ATP6V0A1: variants seen among roughly 807,000 people sequenced by gnomAD.
ATP6V0A1 encodes ATPase H+ transporting V0 subunit a1.
In ATP6V0A1, 43 loss-of-function variants were observed where a neutral mutation model predicts 105.4. The observed-to-expected ratio is 0.41, with a 90% CI of 0.32 to 0.53. The LOEUF (loss-of-function observed/expected upper bound fraction) is 0.53, where lower values mean the gene tolerates loss of function less well. ATP6V0A1 is among the 20% of genes least tolerant of loss of function. The probability of loss-of-function intolerance (pLI) is 0.30; values close to 1 mark genes in which losing one functional copy is unlikely to be tolerated. For missense variants in ATP6V0A1, 676 were observed against 1,051.1 expected (o/e 0.64, Z 4.93); for synonymous variants, 362 against 372.8 (o/e 0.97, Z 0.33).
intron 14 of ATP6V0A1, 52 bp downstream of exon 14, chr17:42,495,768 C>A: frequency 7.1e-7 from 1 of 1,412,994 alleles, no homozygotes; most frequent in East Asian, 2.3e-5. Context: ...AACACTAACC[C>A]TGAAGCAAGA....
In ATP6V0A1 at chr17:42,495,627, G is replaced by A. The variant is rs774015063; in HGVS notation, c.1471G>A (p.Glu491Lys). The change falls in exon 14 of 22, where the codon GAA becomes AAA. Residue 491 changes from glutamate to lysine, a missense_variant and splice_region_variant. Around this residue, in one of 3 missense-constraint regions of ATP6V0A1, gnomAD observed 435 missense variants for 642.2 expected, o/e 0.68. Transcript: ENST00000343619. ...VRPMFTYNWT[E>K]ETLRGNPVLQ... Reference sequence around the variant, plus strand: ...GTGACTTTTTCCCTGTCATGGTAGTGAAGAGACGCTTCGGGGGAACCCTGT... The same window carrying A: ...GTGACTTTTTCCCTGTCATGGTAGTAAAGAGACGCTTCGGGGGAACCCTGT... 18 of 1,611,274 alleles carry A rather than the reference G, an allele frequency of 1.1e-5. No individual in the cohort carries two copies. In the South Asian group the frequency reaches 2.0e-4, roughly 18 times the overall value.
chr17:42,480,285 A>T (rs1273483746), intron 7 of ATP6V0A1: 1 of 153,748 alleles, frequency 6.5e-6, no homozygotes, highest in Non-Finnish European at 1.4e-5. Flanking sequence ...CCTTTTATCT[A>T]AGAATTTCTA....
intron 9 of ATP6V0A1, among the ~76,000 whole-genome samples, chr17:42,486,141 G>T (rs2090085671): frequency 6.6e-6 from 1 of 152,182 alleles, no homozygotes; most frequent in South Asian, 2.1e-4. Flanking sequence ...GGCTGGACAT[G>T]TTGGCTCATG....
In ATP6V0A1 at chr17:42,513,878, C is replaced by T. The variant is rs1567871374; in HGVS notation, c.2148C>T (p.Thr716=). 3 of 1,614,068 alleles carry T rather than the reference C, an allele frequency of 1.9e-6. No homozygotes were observed. The highest frequency in any genetic ancestry group is 2.5e-6 in the Non-Finnish European group (3 of 1,179,966). ...CACGACAGTTTGACTTTGGGGACAC[C>T]ATGGTCCACCAGGCCATCCACACCA... ...SEDEVFDFGD[T]MVHQAIHTIE... The change falls in exon 20 of 22, where the codon ACC becomes ACT. Residue 716 remains threonine (T), a synonymous_variant. Coordinates refer to ENST00000343619, the MANE Select transcript of ATP6V0A1 (RefSeq NM_001130021.3).
At chr17:42,489,771 A>T (rs1356289643) in intron 10 of ATP6V0A1, among the ~76,000 whole-genome samples, 1 of 152,130 alleles carries the variant, frequency 6.6e-6, no homozygotes, top group Non-Finnish European at 1.5e-5. Flanking sequence ...TGGAAATGTC[A>T]AGCAGACAAG....
At chr17:42,461,908 C>CA (rs991538193) in intron 2 of ATP6V0A1, among the ~76,000 whole-genome samples, 10 of 151,162 alleles carry the variant, frequency 6.6e-5, no homozygotes, top group African/African-American at 1.5e-4. Context: ...TTCAGTCATA[C>CA]AAAAAAAAGA....
At chr17:42,508,424 T>A in intron 18 of ATP6V0A1, 148 bp from the exon 19 acceptor site, 1 of 876,002 alleles carries the variant, frequency 1.1e-6, no homozygotes, top group Admixed American at 2.1e-5. Context: ...TTTCGCTTTG[T>A]GTATATGCTG....
At chr17:42,490,687 T>C in intron 11 of ATP6V0A1, 50 bp downstream of exon 11, 1 of 1,541,554 alleles carries the variant, frequency 6.5e-7, no homozygotes, top group Non-Finnish European at 8.7e-7. Context: ...TTTGTTTGTT[T>C]GGTTGGTTTG....
intron 21 of ATP6V0A1, chr17:42,520,599 A>C (rs774101154): frequency 1.5e-5 from 7 of 457,340 alleles, no homozygotes; most frequent in South Asian, 1.1e-4. Context: ...TTGCTCCCCC[A>C]AGGAAAAATA....
At chr17:42,490,833 C>T (rs551532314) in intron 11 of ATP6V0A1, among the ~76,000 whole-genome samples, 196 bp downstream of exon 11, 9 of 152,232 alleles carry the variant, frequency 5.9e-5, no homozygotes, top group African/African-American at 1.7e-4. Flanking sequence ...GGACCACAGG[C>T]GCACAGCACC....
intron 10 of ATP6V0A1, among the ~76,000 whole-genome samples, chr17:42,488,391 T>A (rs559488198): frequency 2.6e-5 from 4 of 152,352 alleles, no homozygotes; most frequent in African/African-American, 9.6e-5. Context: ...ATTTAAATTT[T>A]ATTCCAGAGG....
intron 14 of ATP6V0A1, among the ~76,000 whole-genome samples, chr17:42,498,371 A>G (rs991690127): frequency 6.6e-6 from 1 of 152,032 alleles, no homozygotes; most frequent in African/African-American, 2.4e-5. Flanking sequence ...TTTTTTCATG[A>G]CTATAAGGTG....
In ATP6V0A1 at chr17:42,480,727, A is replaced by C. The variant is rs199699718; in HGVS notation, c.694A>C (p.Arg232=). 8 of 1,613,902 alleles carry C rather than the reference A, an allele frequency of 5.0e-6. No homozygotes were observed. In the African/African-American group the frequency reaches 9.3e-5, roughly 19 times the overall value. Residue 232 remains arginine (R), a synonymous_variant, in exon 8 of 22, where the codon AGA becomes CGA. Coordinates refer to ENST00000343619, the MANE Select transcript of ATP6V0A1 (RefSeq NM_001130021.3). ...CTTCCAAGGCGATCAGCTGAAAAACAGAGTCAAGAAAATCTGTGAAGGGTA... is the reference window on the plus strand; with the variant it reads ...CTTCCAAGGCGATCAGCTGAAAAACCGAGTCAAGAAAATCTGTGAAGGGTA... ...IFFQGDQLKN[R]VKKICEGFRA... is the part of the protein sequence containing the mutation.
Position 42,465,675 on chromosome 17 carries a change from C to G in ATP6V0A1, c.118-754C>G, listed in dbSNP as rs185086973. 2.0e-3 allele frequency among the ~76,000 whole-genome samples: 301 copies of G among 151,732 alleles called. 1 individual carries two copies. Among genetic ancestry groups the G allele is most frequent in the Non-Finnish European group, 2.2e-3 (146 of 67,902 alleles). On this transcript the variant is annotated intron_variant, in intron 2 of 21. Coordinates refer to ENST00000343619, the MANE Select transcript of ATP6V0A1 (RefSeq NM_001130021.3). ...ATCTGTCATATTGCTTTGAAAATTA[C>G]TTATGGTGCCAGACGTGGTGGCTCA... is the stretch of plus-strand genomic sequence containing the variant.
chr17:42,508,468 A>T, intron 18 of ATP6V0A1, 104 bp from the exon 19 acceptor site: 1 of 1,466,748 alleles, frequency 6.8e-7, no homozygotes, highest in South Asian at 1.1e-5. Flanking sequence ...AGCCCATTTA[A>T]CATGAACAGT....
intron 19 of ATP6V0A1, among the ~76,000 whole-genome samples, chr17:42,512,495 TAGGGAACTC>T (rs1007327453): frequency 6.6e-6 from 1 of 152,110 alleles, no homozygotes; most frequent in African/African-American, 2.4e-5. Context: ...TGTTGGGATT[TAGGGAACTC>T]AGGGAACTAG....
chr17:42,473,554 A>C (rs1307971495), intron 5 of ATP6V0A1, among the ~76,000 whole-genome samples: 2 of 152,238 alleles, frequency 1.3e-5, no homozygotes, highest in African/African-American at 4.8e-5. Flanking sequence ...CCTTGTAGTC[A>C]GAGCTCAGCT....
intron 8 of ATP6V0A1, among the ~76,000 whole-genome samples, chr17:42,482,507 C>CT (rs963446421): frequency 4.8e-4 from 71 of 146,954 alleles, no homozygotes; most frequent in Middle Eastern, 3.5e-3. Context: ...ATTTGCTTTA[C>CT]TTTTTTTTTT....
chr17:42,475,217 C>T (rs2088569714), intron 5 of ATP6V0A1, among the ~76,000 whole-genome samples: 1 of 152,144 alleles, frequency 6.6e-6, no homozygotes, highest in African/African-American at 2.4e-5. Flanking sequence ...ATGTAGATGG[C>T]AGTAATTGTT....
Sources: allele counts gnomAD v4.1 joint callset (sites outside exome capture counted in the v4.1 genomes callset), GRCh38; gene constraint gnomAD v4.1.1; regional missense constraint gnomAD v4.1.1; transcripts MANE v1.5; gene names NCBI Gene and HGNC (gene_info 2026-07-23, HGNC 2026-07-21).